TNRC18: variants seen among roughly 807,000 people sequenced by gnomAD.
TNRC18 encodes the protein trinucleotide repeat containing 18, also known as trinucleotide repeat-containing gene 18 protein.
TNRC18 carries 69 observed loss-of-function variants against 226.7 expected under a neutral mutation model. The ratio of observed to expected loss-of-function variants is 0.30; its 90% CI spans 0.25 to 0.37. TNRC18 has a LOEUF of 0.37. Among genes scored for constraint, TNRC18 ranks in the 10% least tolerant of loss-of-function variants. TNRC18 has a pLI of 1.00. For missense variants in TNRC18, 4,754 were observed against 4,256.6 expected (o/e 1.12, Z -3.25); for synonymous variants, 2,449 against 1,927.6 (o/e 1.27, Z -7.09).
intron 25 of TNRC18, 134 bp from the exon 26 acceptor site, chr7:5,315,282 T>TGA: frequency 2.2e-6 from 2 of 928,802 alleles, no homozygotes; most frequent in Middle Eastern, 3.5e-4. Flanking sequence ...CCGGATGGGC[T>TGA]CCCATGACAG....
chr7:5,317,671 A>T (rs1787985753), intron 24 of TNRC18, among the ~76,000 whole-genome samples: 2 of 151,846 alleles, frequency 1.3e-5, no homozygotes, highest in Non-Finnish European at 2.9e-5. Context: ...AACAAAAAAA[A>T]ATTTAAGGAA....
chr7:5,343,629 G>A (rs1024240188), intron 18 of TNRC18, among the ~76,000 whole-genome samples: 1 of 152,156 alleles, frequency 6.6e-6, no homozygotes, highest in African/African-American at 2.4e-5. Context: ...GTCTCGCTCT[G>A]TTGCCCAGGC....
chr7:5,347,858 G>C (rs1791362759), intron 17 of TNRC18, among the ~76,000 whole-genome samples: 1 of 151,948 alleles, frequency 6.6e-6, no homozygotes, highest in Non-Finnish European at 1.5e-5. Context: ...AGGAGGCTGA[G>C]GCAGAAGAAT....
In TNRC18 at chr7:5,361,624, T is replaced by G; in HGVS notation, c.4631A>C (p.Lys1544Thr). Residue 1544 changes from lysine to threonine, a missense_variant, in exon 14 of 30, where the codon AAG becomes ACG. Coordinates refer to ENST00000430969, the MANE Select transcript of TNRC18 (RefSeq NM_001080495.3). ...GCTACTGTGGCCGCTCTTCCCTCTC[T>G]TGCGGGGGGGCGACAGGGCGCTCGG... is the stretch of plus-strand genomic sequence containing the variant. ...HAPSALSPPR[K>T]RGKSGHSSGK... is the part of the protein sequence containing the mutation. 1 of 1,545,968 alleles carries G rather than the reference T, an allele frequency of 6.5e-7. No homozygotes were observed. Among genetic ancestry groups the G allele is most frequent in the Admixed American group, 2.0e-5 (1 of 51,210 alleles).
At chr7:5,345,856 G>A (rs116972887) in intron 17 of TNRC18, 46 bp from the exon 18 acceptor site, 63 of 1,509,838 alleles carry the variant, frequency 4.2e-5, no homozygotes, top group Admixed American at 2.0e-4. Context: ...TGGCCTTGGC[G>A]AGGGCCACCC....
chr7:5,320,746 G>A, intron 22 of TNRC18, 139 bp from the exon 23 acceptor site: 1 of 728,026 alleles, frequency 1.4e-6, no homozygotes, highest in African/African-American at 1.8e-5. Context: ...GCTGAATTTG[G>A]GAATTCTCCC....
intron 2 of TNRC18, among the ~76,000 whole-genome samples, chr7:5,419,327 G>T (rs1584137790): frequency 6.6e-6 from 1 of 152,222 alleles, no homozygotes; most frequent in Non-Finnish European, 1.5e-5. Flanking sequence ...GGGAGTGCGC[G>T]ACGCCCCTTC....
At chr7:5,417,614 G>T (rs529105254) in intron 2 of TNRC18, among the ~76,000 whole-genome samples, 1 of 152,186 alleles carries the variant, frequency 6.6e-6, no homozygotes, top group Non-Finnish European at 1.5e-5. Context: ...GGACCCGAGC[G>T]GTGCCTGGCA....
intron 24 of TNRC18, among the ~76,000 whole-genome samples, chr7:5,318,540 C>T (rs1583751660): frequency 6.6e-6 from 1 of 152,024 alleles, no homozygotes; most frequent in East Asian, 1.9e-4. Context: ...GTAGAGCTTC[C>T]AAGAATGAAG....
intron 18 of TNRC18, among the ~76,000 whole-genome samples, chr7:5,344,593 G>A (rs1230013412): frequency 6.6e-6 from 1 of 152,162 alleles, no homozygotes; most frequent in Non-Finnish European, 1.5e-5. Context: ...AGGGGCAGCT[G>A]GGGGGCCTTC....
chr7:5,333,108 C>T, intron 18 of TNRC18, 59 bp from the exon 19 acceptor site: 1 of 1,519,180 alleles, frequency 6.6e-7, no homozygotes. Flanking sequence ...TCCCTCCCAC[C>T]CAGCCACATG....
At chr7:5,336,467 G>A (rs1380991641) in intron 18 of TNRC18, among the ~76,000 whole-genome samples, 1 of 151,866 alleles carries the variant, frequency 6.6e-6, no homozygotes, top group Non-Finnish European at 1.5e-5. Flanking sequence ...GAACTGGCTA[G>A]GCACAGTGGC....
intron 11 of TNRC18, among the ~76,000 whole-genome samples, chr7:5,365,896 C>T (rs1401853712): frequency 2.0e-5 from 3 of 152,156 alleles, no homozygotes; most frequent in Non-Finnish European, 4.4e-5. Context: ...ATGGAGAAAC[C>T]CTATCTCTAC....
chr7:5,413,425 C>A (rs994640255), intron 2 of TNRC18, among the ~76,000 whole-genome samples: 1 of 152,202 alleles, frequency 6.6e-6, no homozygotes, highest in Admixed American at 6.5e-5. Context: ...AGGGCCATAA[C>A]CCTGGACACC....
At chr7:5,418,566 C>G (rs1387865531) in intron 2 of TNRC18, among the ~76,000 whole-genome samples, 1 of 152,208 alleles carries the variant, frequency 6.6e-6, no homozygotes, top group Non-Finnish European at 1.5e-5. Context: ...CATCCACGTC[C>G]GCAGAGCCCA....
chr7:5,375,294 G>C (rs1206039582), intron 9 of TNRC18, among the ~76,000 whole-genome samples: 1 of 151,978 alleles, frequency 6.6e-6, no homozygotes, highest in Non-Finnish European at 1.5e-5. Flanking sequence ...GGGCGACAGA[G>C]CAAGACTCCA....
chr7:5,407,529 T>G (rs921789732), intron 2 of TNRC18: 2 of 152,196 alleles, frequency 1.3e-5, no homozygotes, highest in Non-Finnish European at 2.9e-5. Flanking sequence ...ACTCCCCACC[T>G]GGGATCACAG....
intron 24 of TNRC18, among the ~76,000 whole-genome samples, chr7:5,319,189 G>A (rs1788110093): frequency 6.6e-6 from 1 of 152,154 alleles, no homozygotes; most frequent in Non-Finnish European, 1.5e-5. Context: ...TGACTAATAT[G>A]ATGGAAAAAA....
At chr7:5,332,315 T>G (rs1583803236) in intron 19 of TNRC18, among the ~76,000 whole-genome samples, 1 of 151,910 alleles carries the variant, frequency 6.6e-6, no homozygotes, top group East Asian at 2.0e-4. Context: ...TGTCTGAAGA[T>G]CCAGCTATTT....
Sources: allele counts gnomAD v4.1 joint callset (sites outside exome capture counted in the v4.1 genomes callset), GRCh38; gene constraint gnomAD v4.1.1; transcripts MANE v1.5; gene names NCBI Gene and HGNC (gene_info 2026-07-23, HGNC 2026-07-21).